The following ERC2 variants were observed in gnomAD, a reference collection of about 807,000 sequenced individuals.
ERC2 encodes ELKS/RAB6-interacting/CAST family member 2.
A neutral mutation model predicts 114.8 loss-of-function variants in ERC2; 42 were observed. The observed-to-expected ratio is 0.37, with a 90% confidence interval of 0.29 to 0.47. ERC2 has a LOEUF of 0.47. ERC2 is among the 20% of genes least tolerant of loss of function. The probability of loss-of-function intolerance (pLI) is 0.99; values close to 1 mark genes in which losing one functional copy is unlikely to be tolerated. For synonymous variants in ERC2, 454 were observed against 425.5 expected, an observed-to-expected ratio of 1.07 and a Z score of -0.82; for missense variants, 939 against 1,150.7, an observed-to-expected ratio of 0.82 and a Z score of 2.66.
chr3:55,867,170 C>T (rs1475371097), intron 14 of ERC2, among the ~76,000 whole-genome samples: 1 of 151,584 alleles, frequency 6.6e-6, no homozygotes, highest in Non-Finnish European at 1.5e-5. Context: ...CCTTTCCTTC[C>T]TTCCCACCTG....
At chr3:55,706,508 C>T (rs777460517) in intron 15 of ERC2, among the ~76,000 whole-genome samples, 3 of 151,976 alleles carry the variant, frequency 2.0e-5, no homozygotes, top group Admixed American at 6.6e-5. Flanking sequence ...GTGATTACCC[C>T]ACCTCAGCCT....
chr3:56,411,981 C>T (rs950749332), intron 2 of ERC2, among the ~76,000 whole-genome samples: 2 of 152,160 alleles, frequency 1.3e-5, no homozygotes, highest in Admixed American at 1.3e-4. Flanking sequence ...ACTCCCTGAA[C>T]CTTTGAATGT....
intron 17 of ERC2, among the ~76,000 whole-genome samples, chr3:55,554,577 C>G (rs937719797): frequency 2.0e-5 from 3 of 152,206 alleles, no homozygotes; most frequent in Admixed American, 6.5e-5. Flanking sequence ...TGGATGGTCT[C>G]AGGCTGCTGT....
At chr3:55,944,813 A>G (rs2149433332) in intron 13 of ERC2, among the ~76,000 whole-genome samples, 1 of 152,352 alleles carries the variant, frequency 6.6e-6, no homozygotes, top group Middle Eastern at 3.4e-3. Context: ...AGAAAAACAA[A>G]TGTCAAAATA....
At chr3:55,680,929 C>A (rs2062027543) in intron 17 of ERC2, among the ~76,000 whole-genome samples, 1 of 152,068 alleles carries the variant, frequency 6.6e-6, no homozygotes, top group Admixed American at 6.6e-5. Flanking sequence ...ATGTGAGGCC[C>A]CTTCTTTGAA....
chr3:56,384,717 ACT>A (rs2059874446), intron 2 of ERC2, among the ~76,000 whole-genome samples: 1 of 152,110 alleles, frequency 6.6e-6, no homozygotes, highest in African/African-American at 2.4e-5. Context: ...GTTCAATTTA[ACT>A]ATTTTTTCTT....
intron 14 of ERC2, among the ~76,000 whole-genome samples, chr3:55,833,698 C>T (rs2060727900): frequency 6.6e-6 from 1 of 152,286 alleles, no homozygotes; most frequent in Admixed American, 6.5e-5. Context: ...GAAACTGCAT[C>T]AACTAACGAG....
chr3:55,570,090 T>C (rs2056620986), intron 17 of ERC2, among the ~76,000 whole-genome samples: 1 of 152,008 alleles, frequency 6.6e-6, no homozygotes, highest in Non-Finnish European at 1.5e-5. Context: ...GAACTTTTGA[T>C]CTCAAGTGAT....
intron 12 of ERC2, among the ~76,000 whole-genome samples, chr3:55,962,601 T>C (rs919527256): frequency 6.6e-5 from 10 of 152,242 alleles, no homozygotes; most frequent in Non-Finnish European, 1.5e-4. Flanking sequence ...ACTTACTCTG[T>C]GACATCACAT....
At chr3:55,525,374 C>T (rs201880203) in intron 17 of ERC2, among the ~76,000 whole-genome samples, 1 of 152,152 alleles carries the variant, frequency 6.6e-6, no homozygotes, top group East Asian at 1.9e-4. Flanking sequence ...GTCAGGGGCA[C>T]AGATGGGTAA....
intron 3 of ERC2, among the ~76,000 whole-genome samples, chr3:56,208,196 C>T (rs1003205505): frequency 3.3e-5 from 5 of 152,286 alleles, no homozygotes; most frequent in Admixed American, 3.3e-4. Flanking sequence ...GGTAGAATTT[C>T]CATGATTCAT....
chr3:56,014,319 C>G, intron 8 of ERC2, among the ~76,000 whole-genome samples: 1 of 152,138 alleles, frequency 6.6e-6, no homozygotes, highest in East Asian at 1.9e-4. Context: ...CTCCCTGGCC[C>G]TTCTAGTCGT....
chr3:55,644,057 G>T (rs1172535445), intron 17 of ERC2, among the ~76,000 whole-genome samples: 1 of 152,096 alleles, frequency 6.6e-6, no homozygotes, highest in East Asian at 1.9e-4. Flanking sequence ...GGAGGGCAGG[G>T]TGTGAGAGGG....
intron 17 of ERC2, among the ~76,000 whole-genome samples, chr3:55,586,168 A>G (rs1407131783): frequency 6.6e-6 from 1 of 151,804 alleles, no homozygotes; most frequent in Non-Finnish European, 1.5e-5. Context: ...GGGACTGCAG[A>G]GGGTTGGGGA....
intron 2 of ERC2, among the ~76,000 whole-genome samples, chr3:56,348,754 C>T (rs904544858): frequency 1.3e-5 from 2 of 151,700 alleles, no homozygotes; most frequent in South Asian, 2.1e-4. Context: ...AAAGATTTGA[C>T]GATTGAAACT....
intron 17 of ERC2, among the ~76,000 whole-genome samples, chr3:55,586,641 G>T (rs747112623): frequency 3.3e-5 from 5 of 152,124 alleles, no homozygotes; most frequent in Non-Finnish European, 7.3e-5. Flanking sequence ...TTTCACATTT[G>T]TGACATAACA....
In ERC2 at chr3:55,810,566, G is replaced by T. The variant is rs1270828202; in HGVS notation, c.2565-75648C>A. ...CAACCTCCGCCTCCCAGGTTCAAGC[G>T]ATTTTCCTGCTTCAGCCTCCCAAGT... On this transcript the variant is annotated intron_variant, in intron 14 of 17. Coordinates refer to ENST00000288221, the MANE Select transcript of ERC2 (RefSeq NM_015576.3). Among the ~76,000 whole-genome samples, 2 of 151,872 alleles carry T rather than the reference G, an allele frequency of 1.3e-5. 1 individual carries two copies. The highest frequency in any genetic ancestry group is 4.2e-4 in the South Asian group (2 of 4,810).
intron 14 of ERC2, among the ~76,000 whole-genome samples, chr3:55,739,752 T>G (rs953120475): frequency 1.3e-5 from 2 of 152,182 alleles, no homozygotes; most frequent in Admixed American, 1.3e-4. Context: ...CAAAAGCTCT[T>G]TAGTTTAATT....
intron 2 of ERC2, among the ~76,000 whole-genome samples, chr3:56,337,327 C>A (rs1036002847): frequency 1.3e-5 from 2 of 152,138 alleles, no homozygotes; most frequent in African/African-American, 4.8e-5. Flanking sequence ...CAGGTAAAAC[C>A]CTGAACTTTC....
Sources: gnomAD v4.1 joint callset for allele counts (sites outside exome capture counted in the v4.1 genomes callset) on GRCh38, gnomAD v4.1.1 for gene constraint, MANE v1.5 for transcripts, NCBI Gene and HGNC (gene_info 2026-07-23, HGNC 2026-07-21) for gene names.